The following NTRK2 variants were observed in gnomAD, a reference collection of about 807,000 sequenced individuals.
NTRK2 encodes neurotrophic receptor tyrosine kinase 2, also known as BDNF/NT-3 growth factors receptor.
A neutral mutation model predicts 94.5 loss-of-function variants in NTRK2; 13 were observed. That is an observed-to-expected ratio of 0.14 (90% CI 0.09 to 0.22). The LOEUF (loss-of-function observed/expected upper bound fraction) is 0.22, where lower values mean the gene tolerates loss of function less well. NTRK2 is among the 10% of genes least tolerant of loss of function. NTRK2 has a pLI of 1.00. For synonymous variants in NTRK2, 372 were observed against 407.4 expected, an observed-to-expected ratio of 0.91 and a Z score of 1.05; for missense variants, 639 against 1,071.2, an observed-to-expected ratio of 0.60 and a Z score of 5.63.
intron 12 of NTRK2, among the ~76,000 whole-genome samples, chr9:84,765,292 G>A (rs2065924843): frequency 6.6e-6 from 1 of 152,090 alleles, no homozygotes; most frequent in Middle Eastern, 3.2e-3. Flanking sequence ...TTGCATGCCT[G>A]TATCAAAACA....
At chr9:84,844,213 G>A (rs1587639432) in intron 12 of NTRK2, among the ~76,000 whole-genome samples, 1 of 152,194 alleles carries the variant, frequency 6.6e-6, no homozygotes, top group East Asian at 1.9e-4. Flanking sequence ...GGGAAAGAGG[G>A]AGGCAAGAGG....
In NTRK2 at chr9:85,003,539, G is replaced by A. The variant is rs540811548; in HGVS notation, c.2173-16667G>A. 2.0e-5 allele frequency among the ~76,000 whole-genome samples: 3 copies of A among 152,306 alleles called. No individual in the cohort carries two copies. In the East Asian group the frequency reaches 5.8e-4, roughly 29 times the overall value. On this transcript the variant is annotated intron_variant, in intron 17 of 18. Transcript: ENST00000277120. ...CAAGGGGGAGAGATGTCGGTGGGGAGGAGAGGGAGCTGAGCTGCACCTGTG... is the reference window on the plus strand; with the variant it reads ...CAAGGGGGAGAGATGTCGGTGGGGAAGAGAGGGAGCTGAGCTGCACCTGTG...
chr9:84,936,760 C>T (rs1196098878), intron 15 of NTRK2, among the ~76,000 whole-genome samples: 1 of 152,156 alleles, frequency 6.6e-6, no homozygotes, highest in East Asian at 1.9e-4. Context: ...TATCATCTGT[C>T]ATCTCAAATA....
At chr9:84,750,556 C>G (rs924065212) in intron 11 of NTRK2, among the ~76,000 whole-genome samples, 1 of 152,212 alleles carries the variant, frequency 6.6e-6, no homozygotes, top group African/African-American at 2.4e-5. Context: ...CGACTATGTT[C>G]AAGTCCAGCT....
chr9:84,877,323 T>C (rs1209883068), intron 14 of NTRK2: 2 of 1,065,994 alleles, frequency 1.9e-6, no homozygotes, highest in African/African-American at 3.3e-5. Flanking sequence ...GGAAGAACTT[T>C]GGTGTGAGGG....
chr9:85,017,703 A>G (rs1056988876), intron 17 of NTRK2, among the ~76,000 whole-genome samples: 1 of 152,230 alleles, frequency 6.6e-6, no homozygotes, highest in African/African-American at 2.4e-5. Flanking sequence ...TATTTGATCT[A>G]GGAACTTCTG....
At chr9:84,826,658 C>T (rs2073210965) in intron 12 of NTRK2, among the ~76,000 whole-genome samples, 1 of 152,162 alleles carries the variant, frequency 6.6e-6, no homozygotes, top group African/African-American at 2.4e-5. Context: ...CCTAACCTCA[C>T]TAAATCTCAG....
intron 8 of NTRK2, among the ~76,000 whole-genome samples, chr9:84,727,134 A>T (rs2062521748): frequency 6.6e-6 from 1 of 152,222 alleles, no homozygotes; most frequent in Admixed American, 6.5e-5. Context: ...CATCAGCAGC[A>T]ACATTTATTG....
intron 2 of NTRK2, 46 bp downstream of exon 2, chr9:84,671,006 C>T (rs201573326): frequency 1.9e-6 from 3 of 1,571,982 alleles, no homozygotes; most frequent in South Asian, 1.1e-5. Context: ...GCCCCTAGGG[C>T]CCGAGCTGGC....
intron 2 of NTRK2, among the ~76,000 whole-genome samples, chr9:84,673,253 A>G (rs2131298715): frequency 6.6e-6 from 1 of 152,318 alleles, no homozygotes; most frequent in Admixed American, 6.5e-5. Flanking sequence ...TAAAAATGAC[A>G]TCAGTGGATG....
chr9:84,836,953 AATATAATATAATAT>A (rs2073911343), intron 12 of NTRK2, among the ~76,000 whole-genome samples: 1 of 144,378 alleles, frequency 6.9e-6, no homozygotes, highest in African/African-American at 2.6e-5. Flanking sequence ...AATATAATAT[AATATAATATAATAT>A]AATATAATAT....
chr9:84,719,619 G>A (rs978326924), intron 6 of NTRK2, among the ~76,000 whole-genome samples: 6 of 152,118 alleles, frequency 3.9e-5, no homozygotes, highest in African/African-American at 1.4e-4. Context: ...GGCTTCATCA[G>A]TGGGGTCTGG....
intron 15 of NTRK2, 38 bp downstream of exon 15, chr9:84,934,330 C>A (rs2078139970): frequency 6.2e-7 from 1 of 1,611,052 alleles, no homozygotes; most frequent in South Asian, 1.1e-5. Context: ...TAACCATGAT[C>A]ACACTTACGT....
At chr9:84,921,509 A>C (rs2077565800) in intron 14 of NTRK2, among the ~76,000 whole-genome samples, 1 of 152,182 alleles carries the variant, frequency 6.6e-6, no homozygotes, top group Non-Finnish European at 1.5e-5. Context: ...GGACAAAAAA[A>C]ATACATCTGG....
intron 15 of NTRK2, among the ~76,000 whole-genome samples, chr9:84,947,375 C>CA (rs2132868056): frequency 6.6e-6 from 1 of 152,358 alleles, no homozygotes; most frequent in East Asian, 1.9e-4. Flanking sequence ...TTTGCCACAT[C>CA]AGGCAACATA....
At chr9:84,943,505 T>G (rs1304292776) in intron 15 of NTRK2, among the ~76,000 whole-genome samples, 1 of 152,204 alleles carries the variant, frequency 6.6e-6, no homozygotes, top group Non-Finnish European at 1.5e-5. Flanking sequence ...CTTAAGAGTA[T>G]CTTCAGAAAA....
At chr9:84,764,879 A>C (rs1384174456) in intron 12 of NTRK2, among the ~76,000 whole-genome samples, 1 of 152,208 alleles carries the variant, frequency 6.6e-6, no homozygotes, top group African/African-American at 2.4e-5. Context: ...ATTCAGCCAT[A>C]AAAAGGAATG....
intron 12 of NTRK2, among the ~76,000 whole-genome samples, chr9:84,854,085 G>A (rs1277182625): frequency 8.5e-5 from 12 of 141,666 alleles, no homozygotes; most frequent in East Asian, 2.0e-4. Context: ...AAAAAAAAAA[G>A]AAAAGAAAAG....
chr9:84,702,179 G>T lies in NTRK2; in HGVS notation c.233G>T (p.Arg78Met), dbSNP rs771127404. ...TACAGTTTCATCGCAAACCAGAAAA[G>T]GTTAGAAATCATCAACGAAGATGAT... ...ITEIFIANQK[R>M]LEIINEDDVE... is the part of the protein sequence containing the mutation. The change falls in exon 3 of 19, where the codon AGG (arginine) becomes ATG (methionine). Residue 78 changes from arginine to methionine, a missense_variant. Transcript: ENST00000277120. The T allele has an allele frequency of 6.2e-7, 1 of 1,614,168 alleles. No individual in the cohort carries two copies. The highest frequency in any genetic ancestry group is 1.1e-5 in the South Asian group (1 of 91,066).
Sources: allele counts gnomAD v4.1 joint callset (sites outside exome capture counted in the v4.1 genomes callset), GRCh38; gene constraint gnomAD v4.1.1; transcripts MANE v1.5; gene names NCBI Gene and HGNC (gene_info 2026-07-23, HGNC 2026-07-21).